The following NFATC1 variants were observed in gnomAD, a reference collection of about 807,000 sequenced individuals.
NFATC1 encodes the protein nuclear factor of activated T cells 1, also known as nuclear factor of activated T-cells, cytoplasmic 1.
A neutral mutation model predicts 76.0 loss-of-function variants in NFATC1; 22 were observed. That is an observed-to-expected ratio of 0.29 (90% confidence interval 0.21 to 0.41). NFATC1 has a LOEUF of 0.41. Ranked by LOEUF, NFATC1 falls within the 10% of genes least tolerant of loss-of-function variation. The pLI is 1.00. For missense variants in NFATC1, 1,357 were observed against 1,337.7 expected (o/e 1.01, Z -0.23); for synonymous variants, 704 against 613.1 (o/e 1.15, Z -2.19).
intron 2 of NFATC1, 46 bp downstream of exon 2, chr18:79,411,547 G>C (rs772912940): frequency 7.6e-7 from 1 of 1,321,452 alleles, no homozygotes; most frequent in Admixed American, 3.9e-5. Flanking sequence ...GGGGAGGCGC[G>C]GGGCGGGGCG....
At chr18:79,502,905 A>G (rs901930674) in intron 9 of NFATC1, among the ~76,000 whole-genome samples, 12 of 152,194 alleles carry the variant, frequency 7.9e-5, no homozygotes, top group African/African-American at 1.9e-4. Flanking sequence ...CCGGCCACTT[A>G]GGCAGTTTCT....
At chr18:79,439,305 G>T (rs1048204620) in intron 3 of NFATC1, among the ~76,000 whole-genome samples, 8 of 152,202 alleles carry the variant, frequency 5.3e-5, no homozygotes, top group Non-Finnish European at 1.0e-4. Flanking sequence ...CCCACCAGGA[G>T]CTGTGCTATT....
chr18:79,431,432 C>CATCT (rs2086584574), intron 2 of NFATC1, among the ~76,000 whole-genome samples: 1 of 151,902 alleles, frequency 6.6e-6, no homozygotes, highest in Non-Finnish European at 1.5e-5. Context: ...GGCTCACTGC[C>CATCT]ATCTCAACCT....
intron 6 of NFATC1, among the ~76,000 whole-genome samples, chr18:79,459,619 G>C (rs1253144262): frequency 6.6e-6 from 1 of 152,240 alleles, no homozygotes; most frequent in Non-Finnish European, 1.5e-5. Flanking sequence ...AGCTGAAGTT[G>C]TGACTCTGAG....
intron 1 of NFATC1, among the ~76,000 whole-genome samples, chr18:79,405,850 C>T (rs1438747850): frequency 6.6e-6 from 1 of 152,164 alleles, no homozygotes; most frequent in African/African-American, 2.4e-5. Context: ...CCCTCGGGTG[C>T]CCCAGGCGTC....
chr18:79,456,587 A>C (rs759335593), intron 6 of NFATC1, among the ~76,000 whole-genome samples: 19 of 151,894 alleles, frequency 1.3e-4, no homozygotes, highest in East Asian at 1.9e-4. Context: ...GCGGGCGGGG[A>C]GGAGGTGAGG....
At chr18:79,419,814 C>T (rs1264777427) in intron 2 of NFATC1, among the ~76,000 whole-genome samples, 1 of 152,220 alleles carries the variant, frequency 6.6e-6, no homozygotes, top group Non-Finnish European at 1.5e-5. Context: ...GCCGGGCAGC[C>T]GCAGGGACTT....
chr18:79,438,983 TC>T (rs1431861416), intron 3 of NFATC1, among the ~76,000 whole-genome samples: 1 of 152,212 alleles, frequency 6.6e-6, no homozygotes, highest in East Asian at 1.9e-4. Flanking sequence ...GCTCTTCTTT[TC>T]CGGTTGTTAA....
At position 79,486,435 on chromosome 18, in the gene NFATC1, G is replaced by A. The variant is rs1063671; in HGVS notation, c.2280G>A (p.Ala760=). 13,277 of 1,612,120 alleles carry A rather than the reference G, an allele frequency of 8.2e-3. 863 individuals are homozygous for A. In the African/African-American group the frequency reaches 0.15, roughly 18 times the overall value. ...CGCAGAGAAGCACCCTGATGCCAGCGGCCCCTGGCGTGAGCCCCAAGCTCC... is the reference window on the plus strand; with the variant it reads ...CGCAGAGAAGCACCCTGATGCCAGCAGCCCCTGGCGTGAGCCCCAAGCTCC... The part of the protein sequence containing the change: ...PCPQRSTLMP[A]APGVSPKLHD... Residue 760 remains alanine (A), a synonymous_variant, in exon 9 of 10, where the codon GCG becomes GCA. Coordinates refer to ENST00000427363, the MANE Select transcript of NFATC1 (RefSeq NM_001278669.2).
intron 6 of NFATC1, among the ~76,000 whole-genome samples, chr18:79,455,168 G>C (rs969912506): frequency 6.6e-6 from 1 of 152,236 alleles, no homozygotes; most frequent in Admixed American, 6.5e-5. Context: ...TAAGTCACGC[G>C]TCTGTTCTGG....
intron 9 of NFATC1, among the ~76,000 whole-genome samples, chr18:79,522,634 T>C (rs993355348): frequency 6.6e-6 from 1 of 152,064 alleles, no homozygotes; most frequent in Non-Finnish European, 1.5e-5. Context: ...GCCCCCAGCC[T>C]TCCCTCACCT....
chr18:79,410,978 C>A lies in NFATC1; in HGVS notation c.703C>A (p.Arg235=), dbSNP rs149308374. Residue 235 remains arginine (R), a synonymous_variant, in exon 2 of 10, where the codon CGG becomes AGG. Coordinates refer to ENST00000427363, the MANE Select transcript of NFATC1 (RefSeq NM_001278669.2). This position sits in a 1 kb window ranked among gnomAD's most constrained non-coding sequence, Gnocchi z 6.7. Reference sequence around the variant, plus strand: ...GGCCTGCACACTGCTGGGTTCCCCGCGGCACTCCCCCTCCACCTCGCCCCG... The same window carrying A: ...GGCCTGCACACTGCTGGGTTCCCCGAGGCACTCCCCCTCCACCTCGCCCCG... ...LGACTLLGSP[R]HSPSTSPRAS... The A allele has an allele frequency of 1.2e-6, 2 of 1,603,466 alleles. No individual in the cohort carries two copies. The highest frequency in any genetic ancestry group is 8.5e-7 in the Non-Finnish European group (1 of 1,175,286).
At chr18:79,494,202 C>T (rs118098512) in intron 9 of NFATC1, among the ~76,000 whole-genome samples, 8,081 of 150,846 alleles carry the variant, frequency 0.054, 66 homozygotes, top group Admixed American at 0.085. Flanking sequence ...AAGGCGAGAG[C>T]GGGCACACGC....
chr18:79,492,126 C>A (rs1204928652), intron 9 of NFATC1, among the ~76,000 whole-genome samples: 1 of 152,158 alleles, frequency 6.6e-6, no homozygotes. Flanking sequence ...GTTGCAGAGT[C>A]TAGGTAGGGG....
intron 7 of NFATC1, among the ~76,000 whole-genome samples, chr18:79,461,981 G>T (rs1194412250): frequency 6.6e-6 from 1 of 152,248 alleles, no homozygotes; most frequent in Non-Finnish European, 1.5e-5. Flanking sequence ...TGTGTGCGGG[G>T]TCGTGGCAGA....
chr18:79,511,201 T>G (rs1419275156), intron 9 of NFATC1, among the ~76,000 whole-genome samples: 2 of 152,210 alleles, frequency 1.3e-5, no homozygotes, highest in Admixed American at 1.3e-4. Context: ...TGGAATAGCC[T>G]CCACAAGATT....
At chr18:79,496,210 A>G (rs924141797) in intron 9 of NFATC1, 2 of 152,650 alleles carry the variant, frequency 1.3e-5, no homozygotes, top group Admixed American at 6.5e-5. Flanking sequence ...TCCTACCGCC[A>G]TACGTTTTCT....
intron 6 of NFATC1, among the ~76,000 whole-genome samples, chr18:79,458,733 C>A (rs962268622): frequency 6.6e-5 from 10 of 152,220 alleles, no homozygotes; most frequent in East Asian, 5.8e-4. Context: ...TTGAACAGCA[C>A]GGGGGCCGGC....
At chr18:79,504,048 T>C (rs746803823) in intron 9 of NFATC1, among the ~76,000 whole-genome samples, 5 of 152,228 alleles carry the variant, frequency 3.3e-5, no homozygotes, top group Non-Finnish European at 7.4e-5. Context: ...GTGTTGTGGC[T>C]GGTTCAATCT....
Sources: gnomAD v4.1 joint callset for allele counts (sites outside exome capture counted in the v4.1 genomes callset) on GRCh38, gnomAD v4.1.1 for gene constraint, Gnocchi (gnomAD v3.1) non-coding constraint, MANE v1.5 for transcripts, NCBI Gene and HGNC (gene_info 2026-07-23, HGNC 2026-07-21) for gene names.